Variants in OSBPL1A observed in about 807,000 individuals in gnomAD.
OSBPL1A encodes oxysterol binding protein like 1A.
OSBPL1A carries 80 observed loss-of-function variants against 137.1 expected under a neutral mutation model. The observed-to-expected ratio is 0.58, with a 90% confidence interval of 0.49 to 0.70. The LOEUF is 0.70. Ranked by LOEUF, OSBPL1A falls within the 30% of genes least tolerant of loss-of-function variation. The probability of loss-of-function intolerance (pLI) is 0.00; values close to 1 mark genes in which losing one functional copy is unlikely to be tolerated. For synonymous variants in OSBPL1A, 365 were observed against 389.7 expected (o/e 0.94, Z 0.75); for missense variants, 970 against 1,129.4 (o/e 0.86, Z 2.02).
intron 17 of OSBPL1A, among the ~76,000 whole-genome samples, chr18:24,204,784 GCT>G (rs2087323698): frequency 6.6e-6 from 1 of 151,942 alleles, no homozygotes; most frequent in Non-Finnish European, 1.5e-5. Context: ...AGACAGAGGA[GCT>G]CTCTCTCCAA....
chr18:24,275,585 G>A (rs2089826192), intron 15 of OSBPL1A, among the ~76,000 whole-genome samples: 1 of 152,212 alleles, frequency 6.6e-6, no homozygotes, highest in South Asian at 2.1e-4. Context: ...ACTTTGTAGA[G>A]CTGTAAGTCC....
At chr18:24,285,089 C>T (rs2146079588) in intron 14 of OSBPL1A, among the ~76,000 whole-genome samples, 1 of 152,246 alleles carries the variant, frequency 6.6e-6, no homozygotes, top group Admixed American at 6.5e-5. Context: ...AAAATATCAC[C>T]ATGGGACATG....
intron 11 of OSBPL1A, among the ~76,000 whole-genome samples, chr18:24,316,879 C>T (rs1198652328): frequency 6.6e-6 from 1 of 152,160 alleles, no homozygotes; most frequent in East Asian, 1.9e-4. Context: ...TCAAATAAGC[C>T]TGGGTAAATT....
intron 1 of OSBPL1A, among the ~76,000 whole-genome samples, chr18:24,396,891 AAC>A (rs1907779496): frequency 6.6e-6 from 1 of 152,212 alleles, no homozygotes; most frequent in African/African-American, 2.4e-5. Flanking sequence ...TTTCAGGGAA[AAC>A]ACATCACCGA....
At chr18:24,250,043 C>G (rs1281936381) in intron 15 of OSBPL1A, among the ~76,000 whole-genome samples, 1 of 152,144 alleles carries the variant, frequency 6.6e-6, no homozygotes, top group Non-Finnish European at 1.5e-5. Context: ...GTAGAGAGGA[C>G]TTTGTCATGC....
intron 1 of OSBPL1A, among the ~76,000 whole-genome samples, chr18:24,391,387 A>G (rs1460960620): frequency 2.6e-5 from 4 of 152,072 alleles, no homozygotes; most frequent in Non-Finnish European, 4.4e-5. Flanking sequence ...GCTGTACTAC[A>G]ATGTGAATGT....
chr18:24,372,471 T>C (rs1473413081), intron 2 of OSBPL1A, among the ~76,000 whole-genome samples: 2 of 152,096 alleles, frequency 1.3e-5, no homozygotes, highest in Admixed American at 6.6e-5. Context: ...TCGTCCTCCG[T>C]ACACACACTC....
chr18:24,279,049 T>C (rs1205111232), intron 15 of OSBPL1A, among the ~76,000 whole-genome samples: 1 of 152,148 alleles, frequency 6.6e-6, no homozygotes, highest in Non-Finnish European at 1.5e-5. Context: ...GATTTTTATT[T>C]CCATATTTGT....
chr18:24,264,998 C>T (rs576049425), intron 15 of OSBPL1A, among the ~76,000 whole-genome samples: 1 of 152,328 alleles, frequency 6.6e-6, no homozygotes, highest in Non-Finnish European at 1.5e-5. Context: ...GGTGCTTTTA[C>T]TTTCATCGGT....
intron 5 of OSBPL1A, among the ~76,000 whole-genome samples, chr18:24,336,348 A>C (rs2044031647): frequency 6.6e-6 from 1 of 152,184 alleles, no homozygotes; most frequent in Admixed American, 6.5e-5. Context: ...AGGAATATGG[A>C]GTTGAAAATA....
intron 17 of OSBPL1A, among the ~76,000 whole-genome samples, chr18:24,211,546 C>T (rs1211278382): frequency 2.6e-5 from 4 of 151,910 alleles, no homozygotes; most frequent in Non-Finnish European, 5.9e-5. Context: ...GCCTTGAGGA[C>T]CCCTACTCCC....
intron 4 of OSBPL1A, among the ~76,000 whole-genome samples, chr18:24,362,510 T>G (rs2091639327): frequency 6.6e-6 from 1 of 152,230 alleles, no homozygotes. Flanking sequence ...TATTAAAAGT[T>G]AGTTAAATCT....
Position 24,164,868 on chromosome 18 carries a change from G to A in OSBPL1A, c.2750+197C>T, listed in dbSNP as rs1301514810. 2.6e-5 allele frequency among the ~76,000 whole-genome samples: 4 copies of A among 152,270 alleles called. No homozygotes were observed. The East Asian group carries it at 5.8e-4, about 22-fold the overall frequency. On this transcript the variant is annotated intron_variant, in intron 27 of 27. Coordinates refer to ENST00000319481, the MANE Select transcript of OSBPL1A (RefSeq NM_080597.4). ...GCACAATTCACAATAACAAAGATAC[G>A]GAATCAACCTGTGTCCATCAATGGA... is the stretch of plus-strand genomic sequence containing the variant.
intron 5 of OSBPL1A, among the ~76,000 whole-genome samples, chr18:24,339,912 A>G (rs1270372165): frequency 6.6e-6 from 1 of 152,222 alleles, no homozygotes. Flanking sequence ...GAGTGAGAAG[A>G]TTTTAGCTCT....
chr18:24,328,957 A>C (rs1475065974), intron 7 of OSBPL1A, among the ~76,000 whole-genome samples: 1 of 152,184 alleles, frequency 6.6e-6, no homozygotes, highest in Admixed American at 6.5e-5. Context: ...GGCTACTAGA[A>C]ATTTAAAATT....
chr18:24,282,475 G>C (rs991998192), intron 14 of OSBPL1A, among the ~76,000 whole-genome samples: 2 of 152,010 alleles, frequency 1.3e-5, no homozygotes, highest in African/African-American at 2.4e-5. Flanking sequence ...GTTTAAGTTG[G>C]CAATAAAGAA....
At chr18:24,207,907 G>A (rs1207900614) in intron 17 of OSBPL1A, among the ~76,000 whole-genome samples, 1 of 152,050 alleles carries the variant, frequency 6.6e-6, no homozygotes, top group Non-Finnish European at 1.5e-5. Context: ...TACAACACTG[G>A]CTACGTTTCG....
chr18:24,316,557 A>G (rs998902122), intron 11 of OSBPL1A, among the ~76,000 whole-genome samples: 1 of 152,240 alleles, frequency 6.6e-6, no homozygotes, highest in Non-Finnish European at 1.5e-5. Context: ...AAAATGTATT[A>G]CAAGAGATAA....
chr18:24,353,632 A>G lies in OSBPL1A; in HGVS notation c.283-11974T>C, dbSNP rs1228865124. 2.7e-3 allele frequency among the ~76,000 whole-genome samples: 403 copies of G among 151,136 alleles called. 3 individuals carry two copies. Among genetic ancestry groups the G allele is most frequent in the African/African-American group, 9.5e-3 (389 of 40,960 alleles). The stretch of plus-strand genomic sequence containing the variant: ...ACACATGCACATGTATGTTTATTGC[A>G]GCACTATTCACAATAGCAAAGACTT... On this transcript the variant is annotated intron_variant, in intron 4 of 27. Transcript: ENST00000319481.
Sources: gnomAD v4.1 joint callset for allele counts (sites outside exome capture counted in the v4.1 genomes callset) on GRCh38, gnomAD v4.1.1 for gene constraint, MANE v1.5 for transcripts, NCBI Gene and HGNC (gene_info 2026-07-23, HGNC 2026-07-21) for gene names.